CACNG4: variants seen among roughly 807,000 people sequenced by gnomAD.
CACNG4 encodes voltage-dependent calcium channel gamma-4 subunit.
Under a neutral mutation model 22.9 loss-of-function variants are expected in CACNG4, and 8 were observed. The observed-to-expected ratio is 0.35, with a 90% confidence interval of 0.21 to 0.63. The LOEUF is 0.63. Among genes scored for constraint, CACNG4 ranks in the 30% least tolerant of loss-of-function variants. The pLI is 0.72. For synonymous variants in CACNG4, 188 were observed against 191.9 expected (o/e 0.98, Z 0.17); for missense variants, 357 against 455.4 (o/e 0.78, Z 1.97).
intron 1 of CACNG4, among the ~76,000 whole-genome samples, chr17:66,975,407 G>T (rs2035230314): frequency 6.6e-6 from 1 of 152,160 alleles, no homozygotes; most frequent in South Asian, 2.1e-4. Context: ...CCACTTGTCA[G>T]CTGTGTGTCT....
At chr17:66,983,906 C>T (rs187421286) in intron 1 of CACNG4, among the ~76,000 whole-genome samples, 38 of 152,278 alleles carry the variant, frequency 2.5e-4, no homozygotes, top group African/African-American at 8.2e-4. Context: ...GCAGGCAAAA[C>T]GAATGCAAGG....
At position 67,010,549 on chromosome 17, in the gene CACNG4, A is replaced by C. The variant is rs190022062; in HGVS notation, c.221-7640A>C. On this transcript the variant is annotated intron_variant, in intron 1 of 3. Transcript: ENST00000262138. ...TAAGTTAATAAATGTCAGGTGTTCA[A>C]AATAGTGCCTGATACATCATAGGTG... 4.1e-3 allele frequency among the ~76,000 whole-genome samples: 631 copies of C among 152,248 alleles called. 22 individuals carry two copies. Among genetic ancestry groups the C allele is most frequent in the Admixed American group, 0.038 (574 of 15,296 alleles).
chr17:67,001,423 T>C (rs903723500), intron 1 of CACNG4, among the ~76,000 whole-genome samples: 4 of 151,688 alleles, frequency 2.6e-5, no homozygotes, highest in Admixed American at 2.6e-4. Context: ...TTTTGCCGCC[T>C]CAGACAGGCT....
At chr17:67,022,092 T>TTG (rs2035535595) in intron 2 of CACNG4, among the ~76,000 whole-genome samples, 1 of 151,680 alleles carries the variant, frequency 6.6e-6, no homozygotes, top group Non-Finnish European at 1.5e-5. Context: ...TTTTTTTTTT[T>TTG]TAAGACGGAG....
rs767924670 is a variant in CACNG4 at position 67,025,003 on chromosome 17, G to GAGCC, written c.445+4_445+7dup. On this transcript the variant is annotated splice_donor_region_variant and intron_variant, in intron 3 of 3. Coordinates refer to ENST00000262138, the MANE Select transcript of CACNG4 (RefSeq NM_014405.4). ...CGGCATCCTCTTCGTGGCTGCAGGT[G>GAGCC]AGCCGCCCGCCCGGGCTGGTGCTGG... is the stretch of plus-strand genomic sequence containing the variant. The GAGCC allele has an allele frequency of 2.5e-6, 4 of 1,585,124 alleles. No individual in the cohort carries two copies. Among genetic ancestry groups the GAGCC allele is most frequent in the South Asian group, 2.3e-5 (2 of 86,410 alleles).
At chr17:67,016,177 G>A (rs918701721) in intron 1 of CACNG4, among the ~76,000 whole-genome samples, 1 of 152,194 alleles carries the variant, frequency 6.6e-6, no homozygotes, top group African/African-American at 2.4e-5. Flanking sequence ...ATGACGTGGT[G>A]TAATTCTCCT....
At chr17:66,968,287 C>A (rs957941050) in intron 1 of CACNG4, among the ~76,000 whole-genome samples, 5 of 152,202 alleles carry the variant, frequency 3.3e-5, no homozygotes, top group South Asian at 2.1e-4. Context: ...CAGTGGAGCC[C>A]AGCTCTGAGG....
At chr17:66,981,656 G>A (rs1373910689) in intron 1 of CACNG4, among the ~76,000 whole-genome samples, 3 of 152,140 alleles carry the variant, frequency 2.0e-5, no homozygotes, top group Admixed American at 2.0e-4. Flanking sequence ...GTGCTCAGGC[G>A]AGCCCGGCAA....
At chr17:66,998,792 C>T (rs1567754645) in intron 1 of CACNG4, among the ~76,000 whole-genome samples, 1 of 152,222 alleles carries the variant, frequency 6.6e-6, no homozygotes, top group African/African-American at 2.4e-5. Context: ...CTTCCTCACC[C>T]CCACCCTGCC....
rs1315418865 is a variant in CACNG4 at position 66,965,227 on chromosome 17, C to G, written c.220+96C>G. 48 of 756,436 alleles carry G rather than the reference C, an allele frequency of 6.3e-5. No homozygotes were observed. In the African/African-American group the frequency reaches 6.3e-4, roughly 10 times the overall value. 46.9% of individuals were successfully genotyped at this position (756,436 alleles called of 1,614,324 possible). A position where few individuals can be genotyped will look rare whatever the true frequency, so the allele number is the denominator to read the frequency against. ...GCGCGCGCGCGCACACACACACACG[C>G]GCACACACTGCCCGGCGCGCGGGCC... On this transcript the variant is annotated intron_variant, in intron 1 of 3. Coordinates refer to ENST00000262138, the MANE Select transcript of CACNG4 (RefSeq NM_014405.4).
intron 1 of CACNG4, among the ~76,000 whole-genome samples, chr17:66,998,906 C>T (rs966134208): frequency 1.3e-5 from 2 of 152,216 alleles, no homozygotes; most frequent in African/African-American, 2.4e-5. Flanking sequence ...TGAGATGGTC[C>T]GGGAGCTCAA....
At chr17:66,983,993 A>G (rs1016997389) in intron 1 of CACNG4, among the ~76,000 whole-genome samples, 5 of 152,172 alleles carry the variant, frequency 3.3e-5, no homozygotes, top group Non-Finnish European at 7.3e-5. Flanking sequence ...AATGTTCTAT[A>G]TTTTGATCAG....
intron 1 of CACNG4, among the ~76,000 whole-genome samples, chr17:66,985,049 G>T (rs1333110117): frequency 6.6e-6 from 1 of 152,146 alleles, no homozygotes; most frequent in Non-Finnish European, 1.5e-5. Context: ...GGCAAAGAAT[G>T]GCCTTGCTTC....
intron 1 of CACNG4, among the ~76,000 whole-genome samples, chr17:66,999,339 A>G (rs78395560): frequency 0.063 from 9,567 of 152,214 alleles, 451 homozygotes; most frequent in East Asian, 0.23. Flanking sequence ...CCCTGACCCC[A>G]GGGCACCGCC....
intron 1 of CACNG4, among the ~76,000 whole-genome samples, chr17:67,006,587 T>G (rs1217898845): frequency 2.0e-5 from 3 of 152,148 alleles, no homozygotes; most frequent in Non-Finnish European, 4.4e-5. Flanking sequence ...TCCCCAGGCT[T>G]CCCAGACACC....
At chr17:67,018,640 G>C (rs2035514547) in intron 2 of CACNG4, among the ~76,000 whole-genome samples, 1 of 152,136 alleles carries the variant, frequency 6.6e-6, no homozygotes, top group African/African-American at 2.4e-5. Flanking sequence ...CCCAGGCTGG[G>C]CCTCCCTGAG....
Position 67,018,350 on chromosome 17 carries a change from C to T in CACNG4, c.304+78C>T. On this transcript the variant is annotated intron_variant, in intron 2 of 3. Transcript: ENST00000262138. The stretch of plus-strand genomic sequence containing the variant: ...GGAAGGCGGCCGGAGGAAAGAGAGA[C>T]ACTGGGCATGGAGAGGGTGATTGTC... The T allele has an allele frequency of 4.9e-6, 5 of 1,017,458 alleles. No homozygotes were observed. In the South Asian group the frequency reaches 5.2e-5, roughly 11 times the overall value. The allele number at this position is 1,017,458 out of a possible 1,614,324, so 63.0% of individuals were successfully genotyped here.
At chr17:66,977,791 G>A (rs762548268) in intron 1 of CACNG4, among the ~76,000 whole-genome samples, 1 of 152,194 alleles carries the variant, frequency 6.6e-6, no homozygotes, top group Non-Finnish European at 1.5e-5. Context: ...TTAGGTGTTT[G>A]TGGGGCACCT....
intron 1 of CACNG4, among the ~76,000 whole-genome samples, chr17:67,011,573 G>C (rs868456020): frequency 1.3e-5 from 2 of 152,316 alleles, no homozygotes; most frequent in Middle Eastern, 3.4e-3. Context: ...TACTCAGACT[G>C]GCAGCCCCAG....
Sources: allele counts gnomAD v4.1 joint callset (sites outside exome capture counted in the v4.1 genomes callset), GRCh38; gene constraint gnomAD v4.1.1; transcripts MANE v1.5; gene names NCBI Gene and HGNC (gene_info 2026-07-23, HGNC 2026-07-21).